Variants in AGO4 observed in about 807,000 individuals in gnomAD.
The protein encoded by AGO4 is protein argonaute-4.
A neutral mutation model predicts 104.7 loss-of-function variants in AGO4; 33 were observed. The observed-to-expected ratio is 0.32, with a 90% CI of 0.24 to 0.42. AGO4 has a LOEUF of 0.42. AGO4 is among the 10% of genes least tolerant of loss of function. The probability of loss-of-function intolerance (pLI) is 1.00; values close to 1 mark genes in which losing one functional copy is unlikely to be tolerated. For missense variants in AGO4, 711 were observed against 1,083.4 expected, an observed-to-expected ratio of 0.66 and a Z score of 4.83; for synonymous variants, 331 against 364.7, an observed-to-expected ratio of 0.91 and a Z score of 1.05.
At chr1:35,809,568 A>G (rs1469756805) in intron 1 of AGO4, among the ~76,000 whole-genome samples, 3 of 152,156 alleles carry the variant, frequency 2.0e-5, no homozygotes, top group African/African-American at 7.2e-5. Flanking sequence ...ATCAAATTTC[A>G]TATGCCTTTT....
intron 7 of AGO4, among the ~76,000 whole-genome samples, chr1:35,828,990 T>C (rs2148664669): frequency 6.6e-6 from 1 of 152,278 alleles, no homozygotes; most frequent in South Asian, 2.1e-4. Context: ...GTATACACTT[T>C]ACTACATTTA....
chr1:35,835,621 G>A lies in AGO4; in HGVS notation c.1565-213G>A, dbSNP rs532723129. Reference sequence around the variant, plus strand: ...CAGACTGGCTGCAGGGCCTGCAGGAGGGAAAAAAGGAGAGAAGGGAGGGCC... The same window carrying A: ...CAGACTGGCTGCAGGGCCTGCAGGAAGGAAAAAAGGAGAGAAGGGAGGGCC... On this transcript the variant is annotated intron_variant, in intron 12 of 17. Transcript: ENST00000373210. Among the ~76,000 whole-genome samples the A allele has an allele frequency of 2.6e-5, 4 of 151,966 alleles. No homozygotes were observed. The South Asian group carries it at 6.2e-4, about 24-fold the overall frequency.
intron 2 of AGO4, among the ~76,000 whole-genome samples, chr1:35,822,349 A>G (rs1464681319): frequency 1.3e-5 from 2 of 151,912 alleles, no homozygotes; most frequent in Non-Finnish European, 1.5e-5. Context: ...TCCGCTTCCC[A>G]GGTTCAAGCG....
intron 16 of AGO4, among the ~76,000 whole-genome samples, chr1:35,850,477 A>G (rs974740029): frequency 1.3e-5 from 2 of 152,018 alleles, no homozygotes; most frequent in African/African-American, 2.4e-5. Flanking sequence ...TTCTCGTGTC[A>G]TGTCAGAAAT....
rs1413580593 is a variant in AGO4, at chr1:35,816,982, T to G, written c.120T>G (p.Pro40=). Residue 40 remains proline (P), a synonymous_variant, in exon 2 of 18, where the codon CCT becomes CCG. Transcript: ENST00000373210. The part of the protein sequence containing the change: ...LLANHFQVQI[P]KIDVYHYDVD... ...CCAATCATTTTCAGGTTCAGATTCC[T>G]AAAATAGATGTGTATCACTATGATG... 6.2e-7 allele frequency: 1 copy of G among 1,614,056 alleles called. No homozygotes were observed. The highest frequency in any genetic ancestry group is 8.5e-7 in the Non-Finnish European group (1 of 1,179,988).
chr1:35,841,811 C>CATATATATATATATACATAT lies in AGO4; in HGVS notation c.2175+76_2175+77insCATATATATATATATATATA. On this transcript the variant is annotated intron_variant, in intron 15 of 17. Transcript: ENST00000373210. The surrounding 1 kb of genome is among the most constrained non-coding windows in gnomAD (Gnocchi z 4.7). Reference sequence around the variant, plus strand: ...CTCTGGCAAGAGATGTATATATGCACATATATATATATATATATATATATA... The same window carrying CATATATATATATATACATAT: ...CTCTGGCAAGAGATGTATATATGCACATATATATATATATACATATATATATATATATATATATATATATA... 1 of 604,670 alleles carries CATATATATATATATACATAT rather than the reference C, an allele frequency of 1.7e-6. No individual in the cohort carries two copies. Among genetic ancestry groups the CATATATATATATATACATAT allele is most frequent in the South Asian group, 3.8e-5 (1 of 26,582 alleles). 37.5% of individuals were successfully genotyped at this position (604,670 alleles called of 1,614,324 possible). A position where few individuals can be genotyped will look rare whatever the true frequency, so the allele number is the denominator to read the frequency against.
chr1:35,849,788 G>A (rs750002460), intron 15 of AGO4, among the ~76,000 whole-genome samples: 1 of 151,140 alleles, frequency 6.6e-6, no homozygotes, highest in Non-Finnish European at 1.5e-5. Flanking sequence ...TTTACTCCAA[G>A]TAAGGAATAA....
At position 35,837,385 on chromosome 1, in the gene AGO4, G is replaced by GT. The variant is rs796856623; in HGVS notation, c.1724+1403dup. On this transcript the variant is annotated intron_variant, in intron 13 of 17. Coordinates refer to ENST00000373210, the MANE Select transcript of AGO4 (RefSeq NM_017629.4). ...AGGCGTGAGCCACCGCGCCTGGCCT[G>GT]TTTTTTTTTTTGGGACAGGGTCTCA... 9.1e-3 allele frequency among the ~76,000 whole-genome samples: 1,288 copies of GT among 141,052 alleles called. 8 individuals carry two copies. Among genetic ancestry groups the GT allele is most frequent in the African/African-American group, 0.027 (1,060 of 38,684 alleles). 92.5% of individuals were successfully genotyped at this position (141,052 alleles called of 152,430 possible).
At chr1:35,829,713 G>A (rs976466749) in intron 7 of AGO4, among the ~76,000 whole-genome samples, 2 of 151,730 alleles carry the variant, frequency 1.3e-5, no homozygotes, top group Non-Finnish European at 2.9e-5. Flanking sequence ...GGCAGGCATG[G>A]TGGCAGGCGC....
intron 15 of AGO4, among the ~76,000 whole-genome samples, chr1:35,847,514 A>C (rs1174404351): frequency 1.3e-5 from 2 of 152,182 alleles, no homozygotes; most frequent in Non-Finnish European, 2.9e-5. Context: ...GATTACAGGC[A>C]TGAAAGCCAC....
At chr1:35,847,033 A>G (rs898420554) in intron 15 of AGO4, among the ~76,000 whole-genome samples, 3 of 150,508 alleles carry the variant, frequency 2.0e-5, no homozygotes, top group Non-Finnish European at 4.4e-5. Context: ...CAAAAATGGT[A>G]TAGTAATTGT....
At chr1:35,853,175 C>G (rs1043640217) in intron 17 of AGO4, among the ~76,000 whole-genome samples, 1 of 147,366 alleles carries the variant, frequency 6.8e-6, no homozygotes, top group African/African-American at 2.5e-5. Context: ...GGTGTAAACC[C>G]GGGAGGCAGA....
At position 35,851,410 on chromosome 1, in the gene AGO4, G is replaced by C. The variant is rs151194427; in HGVS notation, c.2477+357G>C. 5.0e-3 allele frequency among the ~76,000 whole-genome samples: 759 copies of C among 152,304 alleles called. 11 individuals are homozygous for C. Among genetic ancestry groups the C allele is most frequent in the African/African-American group, 0.017 (724 of 41,564 alleles). On this transcript the variant is annotated intron_variant, in intron 17 of 17. Coordinates refer to ENST00000373210, the MANE Select transcript of AGO4 (RefSeq NM_017629.4). ...CACAGGGCTGTGGATTCCACTTCAT[G>C]CAAGTGAGGAGGCCTGACCAGTTCA...
intron 15 of AGO4, among the ~76,000 whole-genome samples, chr1:35,849,419 G>T (rs1224359595): frequency 1.3e-5 from 2 of 150,176 alleles, no homozygotes; most frequent in African/African-American, 4.9e-5. Flanking sequence ...GTGGTAGCTC[G>T]CACCTGTAGT....
At position 35,853,654 on chromosome 1, in the gene AGO4, A is replaced by G. The variant is rs371692112; in HGVS notation, c.*49A>G. 1.0e-4 allele frequency: 153 copies of G among 1,502,842 alleles called. No individual in the cohort carries two copies. The highest frequency in any genetic ancestry group is 1.3e-4 in the Non-Finnish European group (141 of 1,082,550). The allele number at this position is 1,502,842 out of a possible 1,614,324, so 93.1% of individuals were successfully genotyped here. A position where few individuals can be genotyped will look rare whatever the true frequency, so the allele number is the denominator to read the frequency against. ...CAATTTGGCACCCCATGCAGCCTCA[A>G]AATGTTTCAAATGCCTACCGCCTCT... On this transcript the variant is annotated 3_prime_UTR_variant, in exon 18 of 18. Transcript: ENST00000373210.
chr1:35,831,354 A>G, intron 7 of AGO4, 73 bp from the exon 8 acceptor site: 2 of 1,511,914 alleles, frequency 1.3e-6, no homozygotes, highest in Non-Finnish European at 1.8e-6. Context: ...CTGTCTCAAA[A>G]AAAAAGAAAA....
At position 35,853,768 on chromosome 1, in the gene AGO4, G is replaced by A. The variant is rs1051354986; in HGVS notation, c.*163G>A. On this transcript the variant is annotated 3_prime_UTR_variant, in exon 18 of 18. Transcript: ENST00000373210. ...TATACTTTGCAGCACTGTCTGATGC[G>A]TCAACAAAATTGAGCCATTTTTTTA... The A allele has an allele frequency of 2.7e-5, 14 of 527,034 alleles. No individual in the cohort carries two copies. Among genetic ancestry groups the A allele is most frequent in the Admixed American group, 1.1e-4 (3 of 27,102 alleles). 32.6% of individuals were successfully genotyped at this position (527,034 alleles called of 1,614,324 possible).
chr1:35,831,339 A>T, intron 7 of AGO4, 88 bp from the exon 8 acceptor site: 2 of 1,412,880 alleles, frequency 1.4e-6, no homozygotes, highest in Non-Finnish European at 1.9e-6. Context: ...CGACAGAGTG[A>T]GACACTGTCT....
Position 35,853,688 on chromosome 1 carries a change from C to A in AGO4, c.*83C>A. ...AAATGCCTACCGCCTCTAGATCGAG[C>A]CACGTTGACTTCAGGTGGTCTTCTA... On this transcript the variant is annotated 3_prime_UTR_variant, in exon 18 of 18. Coordinates refer to ENST00000373210, the MANE Select transcript of AGO4 (RefSeq NM_017629.4). 8.7e-7 allele frequency: 1 copy of A among 1,150,596 alleles called. No homozygotes were observed. Among genetic ancestry groups the A allele is most frequent in the Non-Finnish European group, 1.3e-6 (1 of 784,210 alleles). The allele number at this position is 1,150,596 out of a possible 1,614,324, so 71.3% of individuals were successfully genotyped here.
Sources: gnomAD v4.1 joint callset for allele counts (sites outside exome capture counted in the v4.1 genomes callset) on GRCh38, gnomAD v4.1.1 for gene constraint, Gnocchi (gnomAD v3.1) non-coding constraint, MANE v1.5 for transcripts, NCBI Gene and HGNC (gene_info 2026-07-23, HGNC 2026-07-21) for gene names.